The following HSPA4L variants were observed in gnomAD, a reference collection of about 807,000 sequenced individuals.
The protein encoded by HSPA4L is heat shock 70 kDa protein 4L.
A neutral mutation model predicts 100.3 loss-of-function variants in HSPA4L; 48 were observed. That is an observed-to-expected ratio of 0.48 (90% confidence interval 0.38 to 0.61). HSPA4L has a LOEUF of 0.61. Among genes scored for constraint, HSPA4L ranks in the 20% least tolerant of loss-of-function variants. The pLI is 0.00. For missense variants in HSPA4L, 886 were observed against 988.6 expected, an observed-to-expected ratio of 0.90 and a Z score of 1.39; for synonymous variants, 319 against 328.2, an observed-to-expected ratio of 0.97 and a Z score of 0.30.
At chr4:127,822,969 A>G (rs1733852409) in intron 15 of HSPA4L, 75 bp downstream of exon 15, 8 of 1,391,770 alleles carry the variant, frequency 5.7e-6, no homozygotes, top group Non-Finnish European at 7.9e-6. Context: ...CAAATTACAT[A>G]AATAAATGTA....
chr4:127,833,289 T>C lies in HSPA4L; in HGVS notation c.*415T>C, dbSNP rs1017679730. On this transcript the variant is annotated 3_prime_UTR_variant, in exon 19 of 19. Coordinates refer to ENST00000296464, the MANE Select transcript of HSPA4L (RefSeq NM_014278.4). ...GAAAAACAAATGAAAATTGATGGGG[T>C]TTAAAGCTACAGAGGCACTGACCTT... The C allele has an allele frequency of 6.5e-6, 1 of 154,052 alleles. No individual in the cohort carries two copies. The highest frequency in any genetic ancestry group is 2.4e-5 in the African/African-American group (1 of 41,490). The allele number at this position is 154,052 out of a possible 1,614,324, so 9.5% of individuals were successfully genotyped here. A position where few individuals can be genotyped will look rare whatever the true frequency, so the allele number is the denominator to read the frequency against.
At chr4:127,811,672 G>T in intron 12 of HSPA4L, 36 bp downstream of exon 12, 1 of 1,424,772 alleles carries the variant, frequency 7.0e-7, no homozygotes, top group Admixed American at 1.8e-5. Flanking sequence ...TCTTGTAATA[G>T]ATAGTGTATA....
chr4:127,790,427 TA>T (rs1460415810), intron 1 of HSPA4L, among the ~76,000 whole-genome samples: 1 of 152,220 alleles, frequency 6.6e-6, no homozygotes, highest in Non-Finnish European at 1.5e-5. Context: ...ATTGGATATG[TA>T]AATTTTTACT....
chr4:127,805,256 TA>T, intron 9 of HSPA4L, 32 bp downstream of exon 9: 1 of 1,550,788 alleles, frequency 6.4e-7, no homozygotes, highest in East Asian at 2.3e-5. Context: ...TTAGAATATG[TA>T]TTTTGCCAGA....
At chr4:127,821,254 T>C (rs1261335681) in intron 14 of HSPA4L, among the ~76,000 whole-genome samples, 3 of 152,062 alleles carry the variant, frequency 2.0e-5, no homozygotes, top group African/African-American at 4.8e-5. Flanking sequence ...TTCCTGGAGA[T>C]CCTGAATAAT....
chr4:127,782,424 A>G lies in HSPA4L; in HGVS notation c.-127A>G. Reference sequence around the variant, plus strand: ...ACTCCCTGCCCTAGATTTTCTGCTTAGCGACTTGGGGTCCCCTCTCGTTTG... The same window carrying G: ...ACTCCCTGCCCTAGATTTTCTGCTTGGCGACTTGGGGTCCCCTCTCGTTTG... On this transcript the variant is annotated 5_prime_UTR_variant, in exon 1 of 19. Transcript: ENST00000296464. 2.8e-6 allele frequency: 2 copies of G among 725,728 alleles called. No individual in the cohort carries two copies. Among genetic ancestry groups the G allele is most frequent in the Non-Finnish European group, 4.8e-6 (2 of 412,742 alleles). 45.0% of individuals were successfully genotyped at this position (725,728 alleles called of 1,614,324 possible). A position where few individuals can be genotyped will look rare whatever the true frequency, so the allele number is the denominator to read the frequency against.
chr4:127,803,980 G>A (rs749558767), intron 7 of HSPA4L, 31 bp from the exon 8 acceptor site: 10 of 1,611,814 alleles, frequency 6.2e-6, no homozygotes, highest in Non-Finnish European at 7.6e-6. Context: ...TTTAATCCCA[G>A]AATAATGAAT....
chr4:127,803,793 A>T lies in HSPA4L; in HGVS notation c.828A>T (p.Leu276=), dbSNP rs558765362. ...LYQECEKLKK[L]MSANASDLPL... is the part of the protein sequence containing the mutation. ...AGGAATGTGAAAAACTAAAGAAGCT[A>T]ATGAGTGCAAATGCATCAGATCTTC... Residue 276 remains leucine (L), a synonymous_variant, in exon 7 of 19, where the codon CTA becomes CTT. Transcript: ENST00000296464. 19 of 1,613,848 alleles carry T rather than the reference A, an allele frequency of 1.2e-5. No homozygotes were observed. The East Asian group carries it at 4.2e-4, about 36-fold the overall frequency.
intron 16 of HSPA4L, among the ~76,000 whole-genome samples, chr4:127,824,560 A>G (rs915239760): frequency 1.3e-5 from 2 of 152,220 alleles, no homozygotes; most frequent in African/African-American, 2.4e-5. Flanking sequence ...TGCACAAGCT[A>G]TATATTACTG....
chr4:127,820,354 T>C (rs1733775005), intron 13 of HSPA4L, 74 bp from the exon 14 acceptor site: 3 of 1,267,270 alleles, frequency 2.4e-6, no homozygotes, highest in Non-Finnish European at 2.2e-6. Flanking sequence ...GTTTTGATTT[T>C]ACTTTCTGTT....
At chr4:127,821,145 G>T (rs1029654583) in intron 14 of HSPA4L, among the ~76,000 whole-genome samples, 1 of 152,084 alleles carries the variant, frequency 6.6e-6, no homozygotes, top group African/African-American at 2.4e-5. Flanking sequence ...GCATTAAAAG[G>T]TCAGTCTTCT....
chr4:127,822,016 A>G (rs958951484), intron 14 of HSPA4L, among the ~76,000 whole-genome samples: 2 of 152,300 alleles, frequency 1.3e-5, no homozygotes, highest in African/African-American at 2.4e-5. Context: ...GGTTTTCGGT[A>G]TACTACGTTA....
chr4:127,829,793 A>G (rs17012695), intron 17 of HSPA4L, among the ~76,000 whole-genome samples: 5,378 of 151,634 alleles, frequency 0.035, 303 homozygotes, highest in East Asian at 0.26. Context: ...TTTAAAGCAT[A>G]TGGGTAGAGA....
At chr4:127,786,088 G>A (rs114047959) in intron 1 of HSPA4L, among the ~76,000 whole-genome samples, 2,247 of 152,286 alleles carry the variant, frequency 0.015, 26 homozygotes, top group Non-Finnish European at 0.023. Flanking sequence ...AAATTAAAGC[G>A]TGTGGTAAAT....
rs982362510 is a variant in HSPA4L at position 127,800,409 on chromosome 4, A to T, written c.430-729A>T. Reference sequence around the variant, plus strand: ...CTTGAGCCCAGGAGTTTAAAGCTGCAGTGAGCTATGATTGTACCACTGCAC... The same window carrying T: ...CTTGAGCCCAGGAGTTTAAAGCTGCTGTGAGCTATGATTGTACCACTGCAC... On this transcript the variant is annotated intron_variant, in intron 4 of 18. Transcript: ENST00000296464. Among the ~76,000 whole-genome samples the T allele has an allele frequency of 2.6e-5, 4 of 152,280 alleles. No individual in the cohort carries two copies. The East Asian group carries it at 7.7e-4, about 29-fold the overall frequency.
intron 12 of HSPA4L, among the ~76,000 whole-genome samples, chr4:127,815,675 C>G (rs1250705008): frequency 6.6e-6 from 1 of 151,878 alleles, no homozygotes; most frequent in Non-Finnish European, 1.5e-5. Flanking sequence ...TTATGTGTAG[C>G]CAGGACTCTT....
chr4:127,782,314 C>T, upstream of HSPA4L: 1 of 507,848 alleles, frequency 2.0e-6, no homozygotes. Flanking sequence ...TGGAGGCGGC[C>T]GAACCGCAGT....
chr4:127,809,418 C>G, intron 11 of HSPA4L: 1 of 1,251,954 alleles, frequency 8.0e-7, no homozygotes, highest in South Asian at 1.2e-5. Context: ...CTTCATAACT[C>G]AAGACTCTGC....
At chr4:127,802,314 G>A (rs549554241) in intron 6 of HSPA4L, among the ~76,000 whole-genome samples, 18 of 152,190 alleles carry the variant, frequency 1.2e-4, no homozygotes, top group South Asian at 8.3e-4. Flanking sequence ...CTATCCAAGC[G>A]TTCTAATCGT....
Sources: gnomAD v4.1 joint callset for allele counts (sites outside exome capture counted in the v4.1 genomes callset) on GRCh38, gnomAD v4.1.1 for gene constraint, MANE v1.5 for transcripts, NCBI Gene and HGNC (gene_info 2026-07-23, HGNC 2026-07-21) for gene names.